Variants in ZNF718 observed in about 807,000 individuals in gnomAD.
The protein encoded by ZNF718 is zinc finger protein 718.
Under a neutral mutation model 2.6 loss-of-function variants are expected in ZNF718, and 3 were observed. The observed-to-expected ratio is 1.16, with a 90% confidence interval of 0.53 to 3.01. The LOEUF (loss-of-function observed/expected upper bound fraction) is 3.01. Ranked by LOEUF, ZNF718 falls within the 30% of genes most tolerant of loss-of-function variation. ZNF718 has a pLI of 0.03. For missense variants in ZNF718, 468 were observed against 230.0 expected (o/e 2.03, Z -6.69); for synonymous variants, 135 against 77.9 (o/e 1.73, Z -3.86).
intron 3 of ZNF718, among the ~76,000 whole-genome samples, chr4:152,707 A>G (rs1716381685): frequency 6.6e-6 from 1 of 152,084 alleles, no homozygotes; most frequent in South Asian, 2.1e-4. Context: ...GCTTTTCCCC[A>G]CAAACCAAAG....
chr4:153,606 C>A (rs1249169363), intron 3 of ZNF718, among the ~76,000 whole-genome samples: 1 of 151,770 alleles, frequency 6.6e-6, no homozygotes, highest in Non-Finnish European at 1.5e-5. Context: ...GTAGAGTGTT[C>A]AGCTTTTTAA....
intron 3 of ZNF718, among the ~76,000 whole-genome samples, chr4:192,714 A>T (rs1361884851): frequency 6.6e-6 from 1 of 152,188 alleles, no homozygotes; most frequent in Non-Finnish European, 1.5e-5. Context: ...AGGCCAGTCC[A>T]TGGGTCCACA....
intron 3 of ZNF718, among the ~76,000 whole-genome samples, chr4:147,365 A>G (rs1027924683): frequency 5.3e-5 from 8 of 152,170 alleles, no homozygotes; most frequent in Non-Finnish European, 1.5e-5. Flanking sequence ...TTCAGTTACT[A>G]TAAACTAGTT....
chr4:197,125 T>C (rs1581489129), intron 3 of ZNF718, among the ~76,000 whole-genome samples: 3 of 151,648 alleles, frequency 2.0e-5, no homozygotes, highest in East Asian at 3.9e-4. Flanking sequence ...ATTTTTGTGT[T>C]TAAAGTTAAA....
At chr4:193,600 G>C (rs1374605164) in intron 3 of ZNF718, among the ~76,000 whole-genome samples, 1 of 152,152 alleles carries the variant, frequency 6.6e-6, no homozygotes, top group African/African-American at 2.4e-5. Flanking sequence ...GCTCAGAGAA[G>C]TATCTAGTGA....
chr4:136,976 A>T (rs953928482), intron 3 of ZNF718, among the ~76,000 whole-genome samples: 9 of 152,112 alleles, frequency 5.9e-5, no homozygotes, highest in African/African-American at 2.2e-4. Flanking sequence ...ATGGGATGGT[A>T]GGGTTGGCTT....
chr4:166,301 G>A (rs1409576537), downstream of ZNF718, among the ~76,000 whole-genome samples: 5 of 152,102 alleles, frequency 3.3e-5, no homozygotes, highest in Admixed American at 6.6e-5. Flanking sequence ...ATAGTGCTGC[G>A]ATAAACATAT....
At chr4:171,740 G>A (rs1314063343) in intron 3 of ZNF718, among the ~76,000 whole-genome samples, 1 of 152,176 alleles carries the variant, frequency 6.6e-6, no homozygotes, top group Non-Finnish European at 1.5e-5. Flanking sequence ...GGTGCCGTCT[G>A]TCATCCCTTT....
In ZNF718 at chr4:128,451, G is replaced by C. The variant is rs1295617737; in HGVS notation, c.4-2337G>C. 4.9e-5 allele frequency among the ~76,000 whole-genome samples: 5 copies of C among 102,912 alleles called. 2 individuals are homozygous for C. Among genetic ancestry groups the C allele is most frequent in the Non-Finnish European group, 1.1e-4 (5 of 46,448 alleles). 67.5% of individuals were successfully genotyped at this position (102,912 alleles called of 152,430 possible). ...CTTAATGACAACCATAATCACAAGT[G>C]TACCTTCCTCCTCTATACTGTGTTA... On this transcript the variant is annotated intron_variant, in intron 1 of 3. Transcript: ENST00000510175.
chr4:171,220 G>A (rs1479726136), intron 3 of ZNF718, among the ~76,000 whole-genome samples: 1 of 152,146 alleles, frequency 6.6e-6, no homozygotes, highest in Non-Finnish European at 1.5e-5. Flanking sequence ...TTGTCTCGGA[G>A]TACCCAGCCA....
At chr4:187,188 G>A (rs1330594936) in intron 3 of ZNF718, among the ~76,000 whole-genome samples, 1 of 151,742 alleles carries the variant, frequency 6.6e-6, no homozygotes, top group Admixed American at 6.6e-5. Context: ...TCCAGGCTTG[G>A]TTTTTTTGTT....
At chr4:190,349 G>A (rs990225271) in intron 3 of ZNF718, among the ~76,000 whole-genome samples, 58 of 151,726 alleles carry the variant, frequency 3.8e-4, no homozygotes, top group Non-Finnish European at 4.9e-4. Flanking sequence ...AGAATGGTGT[G>A]GACCCGGGAA....
intron 3 of ZNF718, among the ~76,000 whole-genome samples, chr4:157,018 G>C (rs1261638698): frequency 6.6e-6 from 1 of 150,692 alleles, no homozygotes; most frequent in Non-Finnish European, 1.5e-5. Flanking sequence ...TCAATTTTTA[G>C]CTTTGTATGT....
chr4:193,200 G>A (rs757640535), intron 3 of ZNF718, among the ~76,000 whole-genome samples: 14 of 151,956 alleles, frequency 9.2e-5, no homozygotes, highest in Middle Eastern at 3.2e-3. Flanking sequence ...TCCACCTTGC[G>A]GCTCTTTTCG....
intron 3 of ZNF718, among the ~76,000 whole-genome samples, chr4:199,878 T>C (rs1717864814): frequency 6.6e-6 from 1 of 152,198 alleles, no homozygotes; most frequent in African/African-American, 2.4e-5. Flanking sequence ...TGTTTTGTTT[T>C]TTCTTTTTCT....
chr4:166,300 C>T (rs1286731700), downstream of ZNF718, among the ~76,000 whole-genome samples: 5 of 152,122 alleles, frequency 3.3e-5, no homozygotes, highest in Admixed American at 1.3e-4. Context: ...AATAGTGCTG[C>T]GATAAACATA....
intron 3 of ZNF718, among the ~76,000 whole-genome samples, chr4:197,737 C>T (rs1717820591): frequency 6.6e-6 from 1 of 152,184 alleles, no homozygotes; most frequent in Non-Finnish European, 1.5e-5. Flanking sequence ...GAGTACCTGG[C>T]AGGTGGAAAG....
rs1160305683 is a variant in ZNF718, at chr4:163,249, G to C, written c.*1127G>C. ...CGCCCAGGCTGGAGTGCAGTGGCGG[G>C]ATCTCGGCTCACTGCAAGCTCTGCC... On this transcript the variant is annotated 3_prime_UTR_variant, in exon 4 of 4. Transcript: ENST00000510175. The C allele has an allele frequency of 2.6e-5, 4 of 151,774 alleles. No individual in the cohort carries two copies. Among genetic ancestry groups the C allele is most frequent in the African/African-American group, 9.7e-5 (4 of 41,296 alleles). The allele number at this position is 151,774 out of a possible 1,614,324, so 9.4% of individuals were successfully genotyped here.
chr4:188,554 A>T (rs925660969), intron 3 of ZNF718, among the ~76,000 whole-genome samples: 2 of 151,946 alleles, frequency 1.3e-5, no homozygotes, highest in Non-Finnish European at 2.9e-5. Flanking sequence ...GCATGCACTG[A>T]CCTCCCACCT....
Sources: gnomAD v4.1 joint callset for allele counts (sites outside exome capture counted in the v4.1 genomes callset) on GRCh38, gnomAD v4.1.1 for gene constraint, MANE v1.5 for transcripts, NCBI Gene and HGNC (gene_info 2026-07-23, HGNC 2026-07-21) for gene names.